Variants in BNIP3L observed in about 807,000 individuals in gnomAD.
The protein encoded by BNIP3L is BCL2/adenovirus E1B 19 kDa protein-interacting protein 3-like.
In BNIP3L, 10 loss-of-function variants were observed where a neutral mutation model predicts 25.5. The ratio of observed to expected loss-of-function variants is 0.39; its 90% CI spans 0.24 to 0.67. BNIP3L has a LOEUF of 0.67. BNIP3L is among the 30% of genes least tolerant of loss of function. BNIP3L has a pLI of 0.45. For synonymous variants in BNIP3L, 113 were observed against 101.2 expected (o/e 1.12, Z -0.70); for missense variants, 215 against 270.9 (o/e 0.79, Z 1.45).
At position 26,411,922 on chromosome 8, in the gene BNIP3L, TGACA is replaced by T. The variant is rs1163522713; in HGVS notation, c.*1516_*1519del. On this transcript the variant is annotated 3_prime_UTR_variant, in exon 6 of 6. Coordinates refer to ENST00000380629, the MANE Select transcript of BNIP3L (RefSeq NM_004331.3). Reference sequence around the variant, plus strand: ...CAGGTCAACTTGAATAAAAACACTATGACAGACAGGTTTGCCAGTTTGCAGAAAC... The same window carrying T: ...CAGGTCAACTTGAATAAAAACACTATGACAGGTTTGCCAGTTTGCAGAAAC... 3 of 152,654 alleles carry T rather than the reference TGACA, an allele frequency of 2.0e-5. No individual in the cohort carries two copies. The highest frequency in any genetic ancestry group is 6.5e-5 in the Admixed American group (1 of 15,284). The allele number at this position is 152,654 out of a possible 1,614,324, so 9.5% of individuals were successfully genotyped here.
At chr8:26,383,509 G>A in intron 1 of BNIP3L, 2 of 921,140 alleles carry the variant, frequency 2.2e-6, no homozygotes, top group Non-Finnish European at 2.6e-6. Flanking sequence ...GCGGGGGGTG[G>A]TCCCCAGCAG....
At chr8:26,388,191 G>A (rs563038372) in intron 1 of BNIP3L, among the ~76,000 whole-genome samples, 25 of 152,272 alleles carry the variant, frequency 1.6e-4, no homozygotes, top group African/African-American at 5.8e-4. Flanking sequence ...TGATGTTTAC[G>A]TTTTCTAGGA....
intron 1 of BNIP3L, chr8:26,390,345 G>A: frequency 3.0e-6 from 3 of 984,618 alleles, no homozygotes; most frequent in East Asian, 1.1e-4. Flanking sequence ...ATTACCAGTG[G>A]CACATCCCCT....
At chr8:26,384,905 G>A (rs1805956816) in intron 1 of BNIP3L, among the ~76,000 whole-genome samples, 1 of 151,876 alleles carries the variant, frequency 6.6e-6, no homozygotes, top group South Asian at 2.1e-4. Flanking sequence ...CCATGTAGCT[G>A]GGATTACAGG....
At chr8:26,408,439 A>G in intron 5 of BNIP3L, 63 bp downstream of exon 5, 1 of 1,525,022 alleles carries the variant, frequency 6.6e-7, no homozygotes, top group Non-Finnish European at 8.9e-7. Context: ...TTCAGATTGA[A>G]GAAATGTATG....
chr8:26,391,253 G>A lies in BNIP3L; in HGVS notation c.111G>A (p.Val37=). The A allele has an allele frequency of 1.2e-6, 2 of 1,603,658 alleles. No homozygotes were observed. Among genetic ancestry groups the A allele is most frequent in the Admixed American group, 1.7e-5 (1 of 58,574 alleles). The part of the protein sequence containing the change: ...PPPAGLNSSW[V]ELPMNSSNGN... ...TGACTTGTCCAACAGGTTCCTGGGT[G>A]GAGCTACCCATGAACAGCAGCAATG... is the stretch of plus-strand genomic sequence containing the variant. Residue 37 remains valine (V), a synonymous_variant, in exon 2 of 6, where the codon GTG becomes GTA. Transcript: ENST00000380629.
At chr8:26,406,195 C>A (rs1806496489) in intron 3 of BNIP3L, among the ~76,000 whole-genome samples, 1 of 152,162 alleles carries the variant, frequency 6.6e-6, no homozygotes. Context: ...TTAAAAGTCA[C>A]ATTTTTTATT....
intron 2 of BNIP3L, among the ~76,000 whole-genome samples, chr8:26,394,818 C>T (rs1806196738): frequency 6.6e-6 from 1 of 152,142 alleles, no homozygotes; most frequent in African/African-American, 2.4e-5. Context: ...TGAGAACTAC[C>T]TTATGCACTT....
At chr8:26,409,095 T>A (rs948930937) in intron 5 of BNIP3L, among the ~76,000 whole-genome samples, 4 of 152,146 alleles carry the variant, frequency 2.6e-5, no homozygotes, top group Admixed American at 6.5e-5. Flanking sequence ...TAGTTTTTTT[T>A]AATGAAACTG....
chr8:26,391,888 G>A (rs1055141135), intron 2 of BNIP3L, among the ~76,000 whole-genome samples: 3 of 152,172 alleles, frequency 2.0e-5, no homozygotes, highest in Non-Finnish European at 4.4e-5. Context: ...GTGCTGGCAC[G>A]TAGTAGACAC....
At chr8:26,391,774 T>C (rs989197917) in intron 2 of BNIP3L, among the ~76,000 whole-genome samples, 1 of 152,232 alleles carries the variant, frequency 6.6e-6, no homozygotes, top group African/African-American at 2.4e-5. Flanking sequence ...GATCACAGAC[T>C]GTTCTTGAAT....
intron 3 of BNIP3L, among the ~76,000 whole-genome samples, chr8:26,407,295 C>T (rs1380935893): frequency 6.6e-6 from 1 of 151,110 alleles, no homozygotes; most frequent in Non-Finnish European, 1.5e-5. Flanking sequence ...ACGCCATTCT[C>T]CTGCCTCAGC....
At chr8:26,404,915 A>G (rs771689744) in intron 3 of BNIP3L, among the ~76,000 whole-genome samples, 4 of 152,234 alleles carry the variant, frequency 2.6e-5, no homozygotes, top group African/African-American at 4.8e-5. Context: ...CTGGAATTCT[A>G]AGAATTGGAA....
At chr8:26,389,502 T>C (rs1806059592) in intron 1 of BNIP3L, among the ~76,000 whole-genome samples, 1 of 152,164 alleles carries the variant, frequency 6.6e-6, no homozygotes, top group Non-Finnish European at 1.5e-5. Flanking sequence ...AATGAGGCCA[T>C]GGAGATGTTG....
intron 2 of BNIP3L, 134 bp from the exon 3 acceptor site, chr8:26,395,096 G>A (rs758290473): frequency 6.4e-6 from 5 of 780,916 alleles, no homozygotes; most frequent in Non-Finnish European, 9.9e-6. Context: ...TCTTGTATAG[G>A]GTTATGATAT....
chr8:26,391,584 T>G (rs1806113325), intron 2 of BNIP3L, among the ~76,000 whole-genome samples, 158 bp downstream of exon 2: 1 of 152,238 alleles, frequency 6.6e-6, no homozygotes, highest in South Asian at 2.1e-4. Flanking sequence ...ATATTGTGTT[T>G]ATATGAGACA....
At position 26,408,101 on chromosome 8, in the gene BNIP3L, C is replaced by T; in HGVS notation, c.459C>T (p.Pro153=). ...CCAGTAGACCCGAAAACATTCCACC[C>T]AAGTGAGTTCTCACATGTTTCTTGT... is the stretch of plus-strand genomic sequence containing the variant. ...DWSSRPENIP[P]KEFHFRHPKR... Residue 153 remains proline (P), a splice_region_variant and synonymous_variant, in exon 4 of 6, where the codon CCC becomes CCT. Coordinates refer to ENST00000380629, the MANE Select transcript of BNIP3L (RefSeq NM_004331.3). 3.7e-6 allele frequency: 6 copies of T among 1,614,050 alleles called. No homozygotes were observed. Among genetic ancestry groups the T allele is most frequent in the Non-Finnish European group, 5.1e-6 (6 of 1,179,894 alleles).
chr8:26,405,414 A>G (rs1806477289), intron 3 of BNIP3L, among the ~76,000 whole-genome samples: 1 of 152,192 alleles, frequency 6.6e-6, no homozygotes, highest in Non-Finnish European at 1.5e-5. Context: ...TAGCCAATGG[A>G]AGGAGCTTAA....
rs1232111500 is a variant in BNIP3L, at chr8:26,412,371, CA to C, written c.*1960del. On this transcript the variant is annotated 3_prime_UTR_variant, in exon 6 of 6. Transcript: ENST00000380629. ...GCAATTTCTATTACAATTGGTATTA[CA>C]GGGGGGAAAAGTAAAATTACACTTT... 4.6e-5 allele frequency: 7 copies of C among 152,200 alleles called. No individual in the cohort carries two copies. Among genetic ancestry groups the C allele is most frequent in the African/African-American group, 7.2e-5 (3 of 41,542 alleles). The allele number at this position is 152,200 out of a possible 1,614,324, so 9.4% of individuals were successfully genotyped here.
Sources: allele counts gnomAD v4.1 joint callset (sites outside exome capture counted in the v4.1 genomes callset), GRCh38; gene constraint gnomAD v4.1.1; transcripts MANE v1.5; gene names NCBI Gene and HGNC (gene_info 2026-07-23, HGNC 2026-07-21).